RABGAP1L: variants seen among roughly 807,000 people sequenced by gnomAD.
RABGAP1L encodes RAB GTPase activating protein 1 like, also known as rab GTPase-activating protein 1-like.
Under a neutral mutation model 137.7 loss-of-function variants are expected in RABGAP1L, and 63 were observed. The observed-to-expected ratio is 0.46, with a 90% CI of 0.37 to 0.56. RABGAP1L has a LOEUF of 0.56. Among genes scored for constraint, RABGAP1L ranks in the 20% least tolerant of loss-of-function variants. RABGAP1L has a pLI of 0.00. For synonymous variants in RABGAP1L, 431 were observed against 433.7 expected (o/e 0.99, Z 0.08); for missense variants, 1,095 against 1,244.0 (o/e 0.88, Z 1.80).
At chr1:174,953,885 T>C (rs1216976869) in intron 19 of RABGAP1L, among the ~76,000 whole-genome samples, 9 of 152,160 alleles carry the variant, frequency 5.9e-5, no homozygotes, top group African/African-American at 2.2e-4. Flanking sequence ...CCCTGAGGCA[T>C]TGGGCAAGGA....
intron 1 of RABGAP1L, among the ~76,000 whole-genome samples, chr1:174,201,001 G>A (rs879456493): frequency 2.6e-5 from 4 of 152,148 alleles, no homozygotes; most frequent in African/African-American, 4.8e-5. Flanking sequence ...CAGGGCCGTC[G>A]TTTTACATGT....
chr1:174,400,221 A>G (rs1432590673), intron 13 of RABGAP1L, among the ~76,000 whole-genome samples: 3 of 152,002 alleles, frequency 2.0e-5, no homozygotes, highest in Non-Finnish European at 4.4e-5. Context: ...CTTACTCTCT[A>G]TCTTTTATAC....
intron 13 of RABGAP1L, among the ~76,000 whole-genome samples, chr1:174,437,942 A>G (rs571270145): frequency 3.7e-4 from 57 of 152,354 alleles, no homozygotes; most frequent in African/African-American, 1.3e-3. Flanking sequence ...AGAATTTTCA[A>G]CCCAGAATTT....
chr1:174,588,722 TA>T (rs1232609429), intron 13 of RABGAP1L, among the ~76,000 whole-genome samples: 7 of 152,162 alleles, frequency 4.6e-5, no homozygotes. Context: ...CTGCCTGTTT[TA>T]TTTCATTTAA....
intron 19 of RABGAP1L, among the ~76,000 whole-genome samples, chr1:174,931,080 A>T (rs1229509125): frequency 6.6e-6 from 1 of 152,180 alleles, no homozygotes; most frequent in Non-Finnish European, 1.5e-5. Context: ...TTTAAAACAG[A>T]GTAACAAAGT....
At chr1:174,770,478 A>G (rs1164696771) in intron 18 of RABGAP1L, among the ~76,000 whole-genome samples, 2 of 152,338 alleles carry the variant, frequency 1.3e-5, no homozygotes, top group South Asian at 2.1e-4. Flanking sequence ...CTTATTTCTC[A>G]TGAAACAATC....
intron 14 of RABGAP1L, among the ~76,000 whole-genome samples, chr1:174,675,650 A>T (rs1677567469): frequency 6.6e-6 from 1 of 151,982 alleles, no homozygotes; most frequent in African/African-American, 2.4e-5. Flanking sequence ...CTTGATGGGG[A>T]TGGCATTGAA....
intron 13 of RABGAP1L, among the ~76,000 whole-genome samples, chr1:174,560,369 G>T (rs1169566519): frequency 6.6e-6 from 1 of 152,080 alleles, no homozygotes; most frequent in South Asian, 2.1e-4. Context: ...TATGCAACTG[G>T]TGGGTGCCCC....
At chr1:174,292,849 A>G (rs1440325745) in intron 10 of RABGAP1L, among the ~76,000 whole-genome samples, 1 of 152,206 alleles carries the variant, frequency 6.6e-6, no homozygotes, top group Non-Finnish European at 1.5e-5. Context: ...AGTAATAGCC[A>G]CTACTAATTA....
intron 19 of RABGAP1L, among the ~76,000 whole-genome samples, chr1:174,840,740 T>G (rs906184088): frequency 6.7e-6 from 1 of 149,616 alleles, no homozygotes; most frequent in African/African-American, 2.5e-5. Context: ...TGCTTGAACC[T>G]GGGAGGTGGA....
At chr1:174,617,392 CA>C (rs1671987825) in intron 13 of RABGAP1L, among the ~76,000 whole-genome samples, 1 of 151,946 alleles carries the variant, frequency 6.6e-6, no homozygotes, top group South Asian at 2.1e-4. Flanking sequence ...CTTTGTAAAA[CA>C]AAAAATGCTC....
At chr1:174,928,689 C>CT (rs1558243623) in intron 19 of RABGAP1L, among the ~76,000 whole-genome samples, 1 of 151,920 alleles carries the variant, frequency 6.6e-6, no homozygotes, top group Non-Finnish European at 1.5e-5. Context: ...AATTTGTTGC[C>CT]TTTTTTTCTC....
intron 11 of RABGAP1L, among the ~76,000 whole-genome samples, chr1:174,364,475 C>T (rs920379701): frequency 9.3e-5 from 14 of 151,228 alleles, no homozygotes; most frequent in South Asian, 2.1e-4. Context: ...GGGATGGTCT[C>T]GATCTCCTGA....
chr1:174,205,889 GA>G (rs1668474247), intron 1 of RABGAP1L, among the ~76,000 whole-genome samples: 2 of 152,244 alleles, frequency 1.3e-5, no homozygotes, highest in South Asian at 4.1e-4. Context: ...ATAATTTGTT[GA>G]AAGGAATATT....
chr1:174,548,022 A>T (rs1185774795), intron 13 of RABGAP1L: 16 of 1,550,446 alleles, frequency 1.0e-5, no homozygotes, highest in South Asian at 2.4e-5. Context: ...ATGTCCTAAA[A>T]CACCAACTTA....
intron 19 of RABGAP1L, among the ~76,000 whole-genome samples, chr1:174,943,806 C>T (rs1027905428): frequency 5.9e-5 from 9 of 151,798 alleles, no homozygotes; most frequent in African/African-American, 1.5e-4. Context: ...GCACTCCAGC[C>T]GGCGCGACAG....
At chr1:174,795,701 G>T (rs1126207) in intron 18 of RABGAP1L, among the ~76,000 whole-genome samples, 2,566 of 152,268 alleles carry the variant, frequency 0.017, 73 homozygotes, top group African/African-American at 0.058. Context: ...GGTTAGCTCA[G>T]ACTACAGGTG....
chr1:174,678,207 T>G (rs1677781043), intron 14 of RABGAP1L, among the ~76,000 whole-genome samples: 1 of 151,932 alleles, frequency 6.6e-6, no homozygotes, highest in Non-Finnish European at 1.5e-5. Flanking sequence ...AAAATGAAAA[T>G]ACGGATAGCT....
chr1:174,321,874 T>G (rs1680024675), intron 11 of RABGAP1L, among the ~76,000 whole-genome samples: 1 of 152,212 alleles, frequency 6.6e-6, no homozygotes, highest in African/African-American at 2.4e-5. Flanking sequence ...TTTCATGTGA[T>G]TATTTACCAT....
Sources: gnomAD v4.1 joint callset for allele counts (sites outside exome capture counted in the v4.1 genomes callset) on GRCh38, gnomAD v4.1.1 for gene constraint, MANE v1.5 for transcripts, NCBI Gene and HGNC (gene_info 2026-07-23, HGNC 2026-07-21) for gene names.